Variants in CYP4Z1 observed in about 807,000 individuals in gnomAD.
CYP4Z1 encodes cytochrome P450 4Z1.
CYP4Z1 carries 41 observed loss-of-function variants against 54.2 expected under a neutral mutation model. The ratio of observed to expected loss-of-function variants is 0.76; its 90% CI spans 0.59 to 0.98. The LOEUF (loss-of-function observed/expected upper bound fraction) is 0.98. CYP4Z1 is among the 50% of genes least tolerant of loss of function. The probability of loss-of-function intolerance (pLI) is 0.00; values close to 1 mark genes in which losing one functional copy is unlikely to be tolerated. For synonymous variants in CYP4Z1, 163 were observed against 206.2 expected (o/e 0.79, Z 1.79); for missense variants, 513 against 599.0 (o/e 0.86, Z 1.50).
chr1:47,089,587 T>C lies in CYP4Z1; in HGVS notation c.772+4609T>C, dbSNP rs193175291. Among the ~76,000 whole-genome samples the C allele has an allele frequency of 1.2e-3, 177 of 152,366 alleles. 1 individual carries two copies. The highest frequency in any genetic ancestry group is 3.8e-3 in the African/African-American group (158 of 41,580). On this transcript the variant is annotated intron_variant, in intron 6 of 11. Transcript: ENST00000334194. ...TGGTGTAACAGGTATCAAACTCTGT[T>C]ATGGCCTATAGTTATCCCCATTAAC...
At chr1:47,085,172 C>G (rs1644583503) in intron 6 of CYP4Z1, among the ~76,000 whole-genome samples, 194 bp downstream of exon 6, 3 of 152,192 alleles carry the variant, frequency 2.0e-5, no homozygotes, top group Admixed American at 6.5e-5. Flanking sequence ...CTATATATAG[C>G]TGTATTTTAA....
At chr1:47,057,199 G>A in the CYP4Z1 span, among the ~76,000 whole-genome samples, 1 of 151,030 alleles carries the variant, frequency 6.6e-6, no homozygotes, top group Non-Finnish European at 1.5e-5. Flanking sequence ...GGCTGGATAT[G>A]AAATTCTGGG....
intron 9 of CYP4Z1, among the ~76,000 whole-genome samples, chr1:47,108,180 G>A (rs1269779920): frequency 6.6e-6 from 1 of 152,104 alleles, no homozygotes; most frequent in Admixed American, 6.5e-5. Context: ...GTGCTCATCT[G>A]TCTCATTTCC....
chr1:47,079,959 T>C (rs1382119692), intron 2 of CYP4Z1, among the ~76,000 whole-genome samples: 1 of 151,906 alleles, frequency 6.6e-6, no homozygotes, highest in Non-Finnish European at 1.5e-5. Flanking sequence ...AGGTATTTTA[T>C]AGGTTCATTT....
chr1:47,098,735 C>T (rs997504198), intron 7 of CYP4Z1, among the ~76,000 whole-genome samples: 1 of 152,072 alleles, frequency 6.6e-6, no homozygotes, highest in Non-Finnish European at 1.5e-5. Context: ...TTTACCTTTC[C>T]CTATTTTTGG....
At chr1:47,091,153 C>T (rs1245732884) in intron 6 of CYP4Z1, among the ~76,000 whole-genome samples, 1 of 136,836 alleles carries the variant, frequency 7.3e-6, no homozygotes, top group South Asian at 2.3e-4. Flanking sequence ...CTGTAACCAT[C>T]CTGAGAACTG....
chr1:47,101,054 A>C (rs1425434258), intron 8 of CYP4Z1, among the ~76,000 whole-genome samples: 1 of 152,194 alleles, frequency 6.6e-6, no homozygotes, highest in Non-Finnish European at 1.5e-5. Flanking sequence ...GCAGTTGTTC[A>C]TAATAGTCTC....
At chr1:47,113,840 G>A (rs1414606018) in intron 9 of CYP4Z1, among the ~76,000 whole-genome samples, 2 of 152,154 alleles carry the variant, frequency 1.3e-5, no homozygotes, top group Non-Finnish European at 1.5e-5. Flanking sequence ...TGGGTAGGAA[G>A]AATCAATATC....
At chr1:47,115,387 G>A in intron 9 of CYP4Z1, 142 bp from the exon 10 acceptor site, 1 of 670,920 alleles carries the variant, frequency 1.5e-6, no homozygotes, top group East Asian at 3.1e-5. Flanking sequence ...CATGGCACAT[G>A]TATACATATG....
rs35562865 is a variant in CYP4Z1, at chr1:47,067,839, G to A, written c.177+172G>A. Among the ~76,000 whole-genome samples the A allele has an allele frequency of 4.7e-3, 718 of 152,252 alleles. 4 individuals are homozygous for A. Among genetic ancestry groups the A allele is most frequent in the South Asian group, 0.015 (74 of 4,816 alleles). ...GGGGAGGAAAGATATTGTTATTCCT[G>A]TTTTACAGATAAGAAAACTGAAGCC... On this transcript the variant is annotated intron_variant, in intron 1 of 11. Coordinates refer to ENST00000334194, the MANE Select transcript of CYP4Z1 (RefSeq NM_178134.3).
At chr1:47,116,537 T>A in intron 10 of CYP4Z1, 113 bp from the exon 11 acceptor site, 1 of 639,896 alleles carries the variant, frequency 1.6e-6, no homozygotes, top group South Asian at 2.9e-5. Context: ...GTTCCTAAAA[T>A]TAGCTTTGGA....
intron 1 of CYP4Z1, 73 bp from the exon 2 acceptor site, chr1:47,068,549 G>A (rs1279551604): frequency 1.1e-5 from 17 of 1,564,640 alleles, no homozygotes; most frequent in Non-Finnish European, 1.4e-5. Flanking sequence ...CTTAGCACAT[G>A]GTCCATCCGA....
upstream of CYP4Z1, among the ~76,000 whole-genome samples, chr1:47,063,130 G>C (rs887505742): frequency 1.4e-4 from 21 of 152,088 alleles, no homozygotes; most frequent in Non-Finnish European, 1.2e-4. Context: ...AGACCCAGAA[G>C]AGCAAAAATA....
chr1:47,059,727 A>T, the CYP4Z1 span, among the ~76,000 whole-genome samples: 1 of 152,154 alleles, frequency 6.6e-6, no homozygotes, highest in Non-Finnish European at 1.5e-5. Flanking sequence ...AGAACATTTA[A>T]TTTCCCTAAT....
chr1:47,100,704 T>C (rs1201620001), intron 8 of CYP4Z1, among the ~76,000 whole-genome samples: 2 of 152,260 alleles, frequency 1.3e-5, no homozygotes, highest in African/African-American at 2.4e-5. Context: ...TATTAATCTC[T>C]TACTGTGCCT....
chr1:47,068,071 A>G (rs533071277), intron 1 of CYP4Z1, among the ~76,000 whole-genome samples: 2 of 152,300 alleles, frequency 1.3e-5, no homozygotes, highest in East Asian at 1.9e-4. Context: ...GAAAACATTT[A>G]GCAAATTAGA....
chr1:47,106,580 G>T (rs573620086), intron 9 of CYP4Z1, among the ~76,000 whole-genome samples: 1 of 152,246 alleles, frequency 6.6e-6, no homozygotes, highest in East Asian at 1.9e-4. Flanking sequence ...GCAGTACTGT[G>T]GGCAGAGAGA....
intron 7 of CYP4Z1, among the ~76,000 whole-genome samples, chr1:47,098,545 T>C (rs557547467): frequency 2.2e-4 from 34 of 152,234 alleles, no homozygotes; most frequent in Non-Finnish European, 4.1e-4. Flanking sequence ...ATTTTGTCTA[T>C]TCAACTTGTA....
In CYP4Z1 at chr1:47,082,352, T is replaced by A; in HGVS notation, c.383T>A (p.Leu128Gln). 3 of 1,609,794 alleles carry A rather than the reference T, an allele frequency of 1.9e-6. No homozygotes were observed. Among genetic ancestry groups the A allele is most frequent in the Non-Finnish European group, 2.5e-6 (3 of 1,178,284 alleles). The change falls in exon 4 of 12, where the codon CTG (leucine) becomes CAG (glutamine). Residue 128 changes from leucine (L) to glutamine (Q), a missense_variant. By Grantham distance (113) the Leu-to-Gln change is moderately radical. Transcript: ENST00000334194. Reference protein sequence around the residue: ...ESWVGRGLVTLDGSKWKKHRQ... With the variant: ...ESWVGRGLVTQDGSKWKKHRQ... ...TCATAAGGTCGAGGACTTGTGACCCTGGATGGTTCTAAATGGAAAAAGCAC... is the reference window on the plus strand; with the variant it reads ...TCATAAGGTCGAGGACTTGTGACCCAGGATGGTTCTAAATGGAAAAAGCAC...
Sources: allele counts gnomAD v4.1 joint callset (sites outside exome capture counted in the v4.1 genomes callset), GRCh38; gene constraint gnomAD v4.1.1; transcripts MANE v1.5; gene names NCBI Gene and HGNC (gene_info 2026-07-23, HGNC 2026-07-21).